The following TRAF1 variants were observed in gnomAD, a reference collection of about 807,000 sequenced individuals.
TRAF1 encodes TNF receptor-associated factor 1.
A neutral mutation model predicts 40.9 loss-of-function variants in TRAF1; 23 were observed. That is an observed-to-expected ratio of 0.56 (90% CI 0.40 to 0.80). TRAF1 has a LOEUF of 0.80. Among genes scored for constraint, TRAF1 ranks in the 30% least tolerant of loss-of-function variants. The probability of loss-of-function intolerance (pLI) is 0.00; values close to 1 mark genes in which losing one functional copy is unlikely to be tolerated. For synonymous variants in TRAF1, 206 were observed against 218.8 expected, an observed-to-expected ratio of 0.94 and a Z score of 0.52; for missense variants, 477 against 528.7, an observed-to-expected ratio of 0.90 and a Z score of 0.96.
At chr9:120,911,131 T>C (rs1373699609) in intron 6 of TRAF1, among the ~76,000 whole-genome samples, 1 of 152,244 alleles carries the variant, frequency 6.6e-6, no homozygotes, top group Admixed American at 6.5e-5. Flanking sequence ...TATGTGTGGC[T>C]GAGAGCCACA....
intron 3 of TRAF1, among the ~76,000 whole-genome samples, chr9:120,919,425 G>A (rs1564120751): frequency 6.6e-6 from 1 of 152,148 alleles, no homozygotes; most frequent in Non-Finnish European, 1.5e-5. Context: ...TCTGAGACCT[G>A]GGGCCTCCGG....
chr9:120,911,238 C>T (rs544732321), intron 6 of TRAF1, 98 bp downstream of exon 6: 13 of 1,382,316 alleles, frequency 9.4e-6, no homozygotes, highest in Admixed American at 8.6e-5. Flanking sequence ...CTGGACACAG[C>T]GTGTCTGTCA....
Position 120,923,356 on chromosome 9 carries a change from T to C in TRAF1, c.228+349A>G, listed in dbSNP as rs948804575. On this transcript the variant is annotated intron_variant, in intron 3 of 7. Coordinates refer to ENST00000373887, the MANE Select transcript of TRAF1 (RefSeq NM_005658.5). ...GCCTCACAGCCTCGAGAATTACAGG[T>C]CATTATGCATGGCCTATCATTCTTC... Among the ~76,000 whole-genome samples the C allele has an allele frequency of 2.0e-5, 3 of 152,100 alleles. No homozygotes were observed. In the East Asian group the frequency reaches 5.8e-4, roughly 29 times the overall value.
At position 120,904,829 on chromosome 9, in the gene TRAF1, T is replaced by C. The variant is rs1241665689; in HGVS notation, c.*191A>G. The stretch of plus-strand genomic sequence containing the variant: ...CTGTCTCCTTCTGGACCCTTTGCCT[T>C]TGTGGGCCCAGCCCACGTCCTGCCA... On this transcript the variant is annotated 3_prime_UTR_variant, in exon 8 of 8. Coordinates refer to ENST00000373887, the MANE Select transcript of TRAF1 (RefSeq NM_005658.5). 4 of 629,968 alleles carry C rather than the reference T, an allele frequency of 6.3e-6. No homozygotes were observed. The highest frequency in any genetic ancestry group is 1.1e-5 in the Non-Finnish European group (4 of 365,038). 39.0% of individuals were successfully genotyped at this position (629,968 alleles called of 1,614,324 possible).
intron 3 of TRAF1, among the ~76,000 whole-genome samples, chr9:120,921,276 G>A (rs2046603632): frequency 6.6e-6 from 1 of 152,066 alleles, no homozygotes; most frequent in Non-Finnish European, 1.5e-5. Flanking sequence ...AGGGCCCTAG[G>A]AGTCCCCAGA....
At chr9:120,919,627 C>G (rs914061828) in intron 3 of TRAF1, among the ~76,000 whole-genome samples, 8 of 152,208 alleles carry the variant, frequency 5.3e-5, no homozygotes, top group Non-Finnish European at 1.0e-4. Context: ...ACATGGGGAG[C>G]TTGGTCAGTC....
intron 5 of TRAF1, among the ~76,000 whole-genome samples, chr9:120,912,778 C>T (rs993029234): frequency 6.6e-6 from 1 of 152,234 alleles, no homozygotes; most frequent in Non-Finnish European, 1.5e-5. Flanking sequence ...TGGTACCATA[C>T]TCCAAGCGTA....
chr9:120,914,302 T>C lies in TRAF1; in HGVS notation c.229-2A>G. On this transcript the variant is annotated splice_acceptor_variant, in intron 3 of 7. Transcript: ENST00000373887. LOFTEE classifies it high-confidence loss of function. The stretch of plus-strand genomic sequence containing the variant: ...AGCCTCAGCCACCTCGGGGTGAGCC[T>C]GGAAATAATAATCACATCACTGAAT... 2 of 1,510,886 alleles carry C rather than the reference T, an allele frequency of 1.3e-6. No individual in the cohort carries two copies. Among genetic ancestry groups the C allele is most frequent in the Non-Finnish European group, 1.8e-6 (2 of 1,118,254 alleles). The allele number at this position is 1,510,886 out of a possible 1,614,324, so 93.6% of individuals were successfully genotyped here.
chr9:120,925,836 CA>C lies in TRAF1; in HGVS notation c.140+99del, dbSNP rs976297175. ...AAACTGAGGCCCAGAGAAGAAAAGT[CA>C]CCGCCTGAAGTCACAGGCTCCTCTG... On this transcript the variant is annotated intron_variant, in intron 2 of 7. Coordinates refer to ENST00000373887, the MANE Select transcript of TRAF1 (RefSeq NM_005658.5). 2.5e-5 allele frequency: 38 copies of C among 1,542,094 alleles called. No homozygotes were observed. The African/African-American group carries it at 5.1e-4, about 21-fold the overall frequency.
chr9:120,917,254 G>C (rs983631131), intron 3 of TRAF1, among the ~76,000 whole-genome samples: 2 of 152,188 alleles, frequency 1.3e-5, no homozygotes. Context: ...GAGGCTTTCA[G>C]AGGCTTCTCC....
In TRAF1 at chr9:120,916,528, C is replaced by T. The variant is rs143360317; in HGVS notation, c.229-2228G>A. ...GGAACCACGTGAAAGGGGATTTGGA[C>T]GAAAGCAGGAGAGGACAGAGGTCTT... On this transcript the variant is annotated intron_variant, in intron 3 of 7. Transcript: ENST00000373887. Among the ~76,000 whole-genome samples, 1,067 of 152,026 alleles carry T rather than the reference C, an allele frequency of 7.0e-3. 14 individuals are homozygous for T. The highest frequency in any genetic ancestry group is 0.023 in the African/African-American group (972 of 41,442).
intron 3 of TRAF1, among the ~76,000 whole-genome samples, chr9:120,920,314 C>T (rs1275137006): frequency 1.3e-5 from 2 of 152,178 alleles, no homozygotes; most frequent in Admixed American, 6.5e-5. Flanking sequence ...CAGAGCTCCC[C>T]AGGGTAGGTG....
chr9:120,913,743 CAA>C lies in TRAF1; in HGVS notation c.295-7_295-6del. 6.4e-7 allele frequency: 1 copy of C among 1,557,136 alleles called. No homozygotes were observed. The highest frequency in any genetic ancestry group is 2.3e-5 in the East Asian group (1 of 44,188). Reference sequence around the variant, plus strand: ...TTGCACAGACTGTGGGCTTCCCTGACAAGAGAGTGGGGCTGATCAGTGAAAAC... The same window carrying C: ...TTGCACAGACTGTGGGCTTCCCTGACGAGAGTGGGGCTGATCAGTGAAAAC... On this transcript the variant is annotated splice_region_variant and splice_polypyrimidine_tract_variant and intron_variant, in intron 4 of 7. Transcript: ENST00000373887.
chr9:120,921,698 C>G (rs950133777), intron 3 of TRAF1, among the ~76,000 whole-genome samples: 3 of 152,010 alleles, frequency 2.0e-5, no homozygotes, highest in African/African-American at 7.2e-5. Flanking sequence ...CAAGAACATG[C>G]ATTTGGTCCT....
Position 120,905,006 on chromosome 9 carries a change from G to A in TRAF1, c.*14C>T. On this transcript the variant is annotated 3_prime_UTR_variant, in exon 8 of 8. Coordinates refer to ENST00000373887, the MANE Select transcript of TRAF1 (RefSeq NM_005658.5). ...CCCTTCTGAGTTGGAGCTCCCTCAG[G>A]AGCCCCGCCCACCCTAAGTGCTGGT... 1 of 1,609,270 alleles carries A rather than the reference G, an allele frequency of 6.2e-7. No individual in the cohort carries two copies.
intron 3 of TRAF1, among the ~76,000 whole-genome samples, chr9:120,922,116 T>C (rs1030685354): frequency 1.3e-5 from 2 of 152,178 alleles, no homozygotes; most frequent in African/African-American, 2.4e-5. Flanking sequence ...AGCCAGGCAC[T>C]TCCCAGTGGA....
chr9:120,907,211 C>T (rs2046490017), intron 7 of TRAF1, among the ~76,000 whole-genome samples: 1 of 152,186 alleles, frequency 6.6e-6, no homozygotes, highest in African/African-American at 2.4e-5. Flanking sequence ...TGGAAGCATT[C>T]AGAACATAGT....
chr9:120,910,927 T>C (rs1266445756), intron 6 of TRAF1, among the ~76,000 whole-genome samples: 2 of 152,244 alleles, frequency 1.3e-5, no homozygotes, highest in African/African-American at 4.8e-5. Flanking sequence ...CTGTCGGCTC[T>C]CTGAGGCCAC....
At chr9:120,906,908 C>T (rs560821599) in intron 7 of TRAF1, among the ~76,000 whole-genome samples, 3 of 152,188 alleles carry the variant, frequency 2.0e-5, no homozygotes, top group African/African-American at 7.2e-5. Flanking sequence ...TCACTCCGTC[C>T]CCCAGGCTGG....
Sources: allele counts gnomAD v4.1 joint callset (sites outside exome capture counted in the v4.1 genomes callset), GRCh38; gene constraint gnomAD v4.1.1; transcripts MANE v1.5; gene names NCBI Gene and HGNC (gene_info 2026-07-23, HGNC 2026-07-21).